The following BMAL1 variants were observed in gnomAD, a reference collection of about 807,000 sequenced individuals.
BMAL1 encodes basic helix-loop-helix ARNT-like protein 1.
At chr11:13,386,462 G>T in the BMAL1 span, 1 of 934,004 alleles carries the variant, frequency 1.1e-6, no homozygotes, top group Non-Finnish European at 1.5e-6. Context: ...AGATAGCCAT[G>T]CAGCCCAAAA....
the BMAL1 span, chr11:13,376,544 G>T: frequency 8.7e-7 from 1 of 1,151,442 alleles, no homozygotes; most frequent in African/African-American, 1.5e-5. Context: ...GGCCTGTCCA[G>T]GTCCAGAGTG....
chr11:13,356,323 T>C, the BMAL1 span: 1 of 466,726 alleles, frequency 2.1e-6, no homozygotes, highest in Non-Finnish European at 4.3e-6. Flanking sequence ...ACATTTATCT[T>C]TGATGCTCAA....
At chr11:13,336,675 G>A in the BMAL1 span, among the ~76,000 whole-genome samples, 2 of 152,340 alleles carry the variant, frequency 1.3e-5, no homozygotes, top group South Asian at 2.1e-4. Context: ...AGCACTGACT[G>A]TACTGAGCAG....
the BMAL1 span, chr11:13,386,754 T>C: frequency 6.2e-7 from 1 of 1,613,910 alleles, no homozygotes; most frequent in Non-Finnish European, 8.5e-7. Flanking sequence ...ATGGCCGCTG[T>C]AAACACTACA....
chr11:13,372,492 C>T, the BMAL1 span: 2 of 1,551,672 alleles, frequency 1.3e-6, no homozygotes, highest in Non-Finnish European at 1.7e-6. Flanking sequence ...ACTGGGCCAT[C>T]AGCTGGCTTT....
the BMAL1 span, chr11:13,376,541 C>A: frequency 9.0e-7 from 1 of 1,108,424 alleles, no homozygotes; most frequent in Non-Finnish European, 1.4e-6. Context: ...TCTGGCCTGT[C>A]CAGGTCCAGA....
the BMAL1 span, among the ~76,000 whole-genome samples, chr11:13,284,114 A>G: frequency 7.1e-4 from 71 of 100,558 alleles, 4 homozygotes; most frequent in African/African-American, 3.7e-3. Context: ...GTGTGTGTAT[A>G]TATATGTGTG....
chr11:13,385,325 T>C, the BMAL1 span, among the ~76,000 whole-genome samples: 2 of 152,242 alleles, frequency 1.3e-5, no homozygotes, highest in African/African-American at 4.8e-5. Flanking sequence ...CAGAAATATC[T>C]GTCACTATAA....
At chr11:13,306,245 T>G in the BMAL1 span, among the ~76,000 whole-genome samples, 2 of 145,838 alleles carry the variant, frequency 1.4e-5, no homozygotes, top group African/African-American at 5.1e-5. Flanking sequence ...CTGACAGCAG[T>G]GGGAGGGGGA....
At chr11:13,381,152 T>G in the BMAL1 span, 2 of 1,613,766 alleles carry the variant, frequency 1.2e-6, no homozygotes, top group Non-Finnish European at 1.7e-6. Context: ...TAATTCTCTT[T>G]TCTGACAGGA....
At chr11:13,312,193 T>A in the BMAL1 span, among the ~76,000 whole-genome samples, 1 of 152,230 alleles carries the variant, frequency 6.6e-6, no homozygotes, top group Admixed American at 6.5e-5. Context: ...TCCCATTTCA[T>A]CTTTGCAATG....
chr11:13,302,692 C>T, the BMAL1 span, among the ~76,000 whole-genome samples: 2 of 152,162 alleles, frequency 1.3e-5, no homozygotes, highest in African/African-American at 4.8e-5. Flanking sequence ...TCTTAAAAGG[C>T]ACAAAGTGAT....
chr11:13,302,235 TC>T, the BMAL1 span, among the ~76,000 whole-genome samples: 1 of 151,964 alleles, frequency 6.6e-6, no homozygotes, highest in Non-Finnish European at 1.5e-5. Context: ...GAGGAATAGG[TC>T]TGGGCTGAGG....
chr11:13,294,214 G>C, the BMAL1 span, among the ~76,000 whole-genome samples: 1 of 152,046 alleles, frequency 6.6e-6, no homozygotes, highest in African/African-American at 2.4e-5. Flanking sequence ...GGAACTCTGC[G>C]GAGTGTTTTT....
the BMAL1 span, among the ~76,000 whole-genome samples, chr11:13,385,294 T>G: frequency 6.6e-6 from 1 of 152,236 alleles, no homozygotes; most frequent in African/African-American, 2.4e-5. Context: ...TCACAGCTTG[T>G]TAACTCCACT....
At chr11:13,377,517 C>T in the BMAL1 span, among the ~76,000 whole-genome samples, 102 of 152,254 alleles carry the variant, frequency 6.7e-4, 1 homozygote, top group East Asian at 0.017. Flanking sequence ...CAAATCACTT[C>T]GCAACTCTAG....
the BMAL1 span, among the ~76,000 whole-genome samples, chr11:13,298,496 C>T: frequency 1.9e-4 from 29 of 152,060 alleles, no homozygotes; most frequent in Admixed American, 1.2e-3. Flanking sequence ...ATATATTATA[C>T]GTTTTCCTTA....
the BMAL1 span, among the ~76,000 whole-genome samples, chr11:13,312,297 C>T: frequency 2.6e-5 from 4 of 152,140 alleles, no homozygotes; most frequent in African/African-American, 7.2e-5. Flanking sequence ...GATTTGAACC[C>T]GGGTCTGTAT....
the BMAL1 span, chr11:13,374,023 A>T: frequency 2.3e-5 from 32 of 1,362,222 alleles, no homozygotes; most frequent in South Asian, 3.8e-4. Context: ...AGCAGGGTTT[A>T]TCCATTGCAA....
Sources: gnomAD v4.1 joint callset for allele counts (sites outside exome capture counted in the v4.1 genomes callset) on GRCh38, gnomAD v4.1.1 for gene constraint, MANE v1.5 for transcripts, NCBI Gene and HGNC (gene_info 2026-07-23, HGNC 2026-07-21) for gene names.